The following EXD3 variants were observed in gnomAD, a reference collection of about 807,000 sequenced individuals.
The protein encoded by EXD3 is exonuclease mut-7 homolog.
Under a neutral mutation model 98.0 loss-of-function variants are expected in EXD3, and 92 were observed. The ratio of observed to expected loss-of-function variants is 0.94; its 90% confidence interval spans 0.79 to 1.12. The LOEUF is 1.12. EXD3 is among the 50% of genes most tolerant of loss of function. EXD3 has a pLI of 0.00. For missense variants in EXD3, 1,222 were observed against 1,191.6 expected (o/e 1.03, Z -0.38); for synonymous variants, 569 against 526.0 (o/e 1.08, Z -1.12).
rs923626778 is a variant in EXD3 at position 137,391,647 on chromosome 9, G to A, written c.55+3656C>T. 7.1e-5 allele frequency among the ~76,000 whole-genome samples: 8 copies of A among 112,782 alleles called. No homozygotes were observed. The South Asian group carries it at 1.6e-3, about 23-fold the overall frequency. 74.0% of individuals were successfully genotyped at this position (112,782 alleles called of 152,430 possible). ...AGGGCCGGCCTCCCTGCCCCGCCCC[G>A]CCCCGCCTCGCCGACCGCCGGCCCT... On this transcript the variant is annotated intron_variant, in intron 2 of 21. Transcript: ENST00000340951.
chr9:137,389,888 G>A (rs944767761), intron 2 of EXD3, among the ~76,000 whole-genome samples: 3 of 152,052 alleles, frequency 2.0e-5, no homozygotes, highest in Non-Finnish European at 2.9e-5. Flanking sequence ...TTGGGAGGCC[G>A]AGGCGGGCAG....
intron 19 of EXD3, among the ~76,000 whole-genome samples, chr9:137,311,100 C>T (rs1831334379): frequency 6.6e-6 from 1 of 152,222 alleles, no homozygotes; most frequent in Non-Finnish European, 1.5e-5. Flanking sequence ...CAGCCCCCAC[C>T]AGTTCAGGGC....
chr9:137,332,829 C>G (rs958239654), intron 17 of EXD3, among the ~76,000 whole-genome samples: 1 of 152,130 alleles, frequency 6.6e-6, no homozygotes, highest in Non-Finnish European at 1.5e-5. Context: ...TGGCGACAGA[C>G]TGAGACTCTG....
intron 1 of EXD3, among the ~76,000 whole-genome samples, chr9:137,414,785 A>C (rs1278589195): frequency 6.6e-6 from 1 of 151,890 alleles, no homozygotes; most frequent in African/African-American, 2.4e-5. Flanking sequence ...GGGGTCCCAC[A>C]CCGCCACTCC....
At chr9:137,355,330 A>G (rs1013576447) in intron 8 of EXD3, among the ~76,000 whole-genome samples, 1 of 152,036 alleles carries the variant, frequency 6.6e-6, no homozygotes, top group Non-Finnish European at 1.5e-5. Context: ...GCTGGTCCTC[A>G]GCGGGGTGCC....
At chr9:137,332,506 C>T (rs1246924075) in intron 17 of EXD3, among the ~76,000 whole-genome samples, 2 of 140,748 alleles carry the variant, frequency 1.4e-5, no homozygotes, top group Non-Finnish European at 1.5e-5. Context: ...GGAATCCCTT[C>T]AACCTGGGAG....
At chr9:137,382,570 G>A (rs549578046) in intron 3 of EXD3, among the ~76,000 whole-genome samples, 4 of 152,332 alleles carry the variant, frequency 2.6e-5, no homozygotes, top group Admixed American at 2.0e-4. Flanking sequence ...CCACCGAGCT[G>A]ATGGACAAAC....
At chr9:137,355,273 G>A (rs900294428) in intron 8 of EXD3, among the ~76,000 whole-genome samples, 10 of 152,146 alleles carry the variant, frequency 6.6e-5, no homozygotes, top group Non-Finnish European at 1.3e-4. Flanking sequence ...CAGTCTGGCT[G>A]AGCCCTTTTC....
intron 21 of EXD3, 137 bp downstream of exon 21, chr9:137,307,471 G>C: frequency 7.7e-7 from 1 of 1,296,164 alleles, no homozygotes. Flanking sequence ...CCCTCACCTT[G>C]CAGGCCCTAG....
At chr9:137,409,572 T>C (rs954959379) in intron 1 of EXD3, among the ~76,000 whole-genome samples, 4 of 152,016 alleles carry the variant, frequency 2.6e-5, no homozygotes, top group South Asian at 4.2e-4. Flanking sequence ...CAGGTATCTA[T>C]CCAGGCATGG....
chr9:137,376,782 AGCT>A (rs1835925683), intron 3 of EXD3, among the ~76,000 whole-genome samples: 1 of 151,916 alleles, frequency 6.6e-6, no homozygotes, highest in African/African-American at 2.4e-5. Flanking sequence ...ATACAAAATT[AGCT>A]AGGCATGGTG....
At position 137,351,414 on chromosome 9, in the gene EXD3, C is replaced by T. The variant is rs113473403; in HGVS notation, c.1288G>A (p.Val430Ile). 373 of 1,609,444 alleles carry T rather than the reference C, an allele frequency of 2.3e-4. 1 individual carries two copies. In the African/African-American group the frequency reaches 3.7e-3, roughly 16 times the overall value. ...GTTGGTGGCTGCGAGAGTGCCAGGA[C>T]GTCCAGAAGGAACACGTGGCCCTCC... ...AVEGHVFLLD[V>I]LALSQPPTGQ... The change falls in exon 13 of 22, where the codon GTC (valine) becomes ATC (isoleucine). Residue 430 changes from valine (V) to isoleucine (I), a missense_variant. Val to Ile is a conservative substitution (Grantham distance 29). Coordinates refer to ENST00000340951, the MANE Select transcript of EXD3 (RefSeq NM_017820.5).
chr9:137,367,629 G>A (rs1392177404), intron 6 of EXD3: 1 of 340,298 alleles, frequency 2.9e-6, no homozygotes, highest in East Asian at 6.9e-5. Flanking sequence ...CATGGGCTGC[G>A]TGTCCTCGAG....
chr9:137,368,375 C>T (rs143350940), intron 5 of EXD3, among the ~76,000 whole-genome samples: 1,810 of 152,296 alleles, frequency 0.012, 43 homozygotes, highest in African/African-American at 0.04. Context: ...GACCCATCTG[C>T]GGGCCCCAGA....
At chr9:137,380,321 CCCCCTGCCAGTA>C in intron 3 of EXD3, among the ~76,000 whole-genome samples, 1 of 113,488 alleles carries the variant, frequency 8.8e-6, no homozygotes, top group Non-Finnish European at 1.8e-5. Context: ...CCCCCCCAAT[CCCCCTGCCAGTA>C]TCCCCCCCCA....
chr9:137,353,099 C>T (rs968245024), intron 10 of EXD3: 1 of 1,218,772 alleles, frequency 8.2e-7, no homozygotes. Context: ...CCCTCCTGGC[C>T]TCCAAGCCTC....
chr9:137,322,071 T>A (rs995273319), intron 19 of EXD3, among the ~76,000 whole-genome samples: 6 of 152,032 alleles, frequency 3.9e-5, no homozygotes, highest in Non-Finnish European at 7.4e-5. Flanking sequence ...CCTCTATGGA[T>A]CTCCACCGAG....
chr9:137,355,506 A>AGGGAGGAAGGAGGAC (rs754566578), intron 8 of EXD3, among the ~76,000 whole-genome samples: 1 of 80,622 alleles, frequency 1.2e-5, no homozygotes, highest in East Asian at 3.8e-4. Flanking sequence ...GGAAGGAGGA[A>AGGGAGGAAGGAGGAC]GGAGGAAGGA....
rs11507668 is a variant in EXD3 at position 137,385,334 on chromosome 9, G to A, written c.56-1957C>T. Among the ~76,000 whole-genome samples the A allele has an allele frequency of 5.5e-4, 83 of 152,168 alleles. No homozygotes were observed. Among genetic ancestry groups the A allele is most frequent in the African/African-American group, 1.9e-3 (81 of 41,558 alleles). On this transcript the variant is annotated intron_variant, in intron 2 of 21. Transcript: ENST00000340951. This position sits in a 1 kb window ranked among gnomAD's most constrained non-coding sequence, Gnocchi z 4.4. ...AGGTGGGGAGGACGTACCCCACCAC[G>A]TGGCCATGGCAGGCAGTGTGACTGG... is the stretch of plus-strand genomic sequence containing the variant.
Sources: allele counts gnomAD v4.1 joint callset (sites outside exome capture counted in the v4.1 genomes callset), GRCh38; gene constraint gnomAD v4.1.1; non-coding constraint Gnocchi (gnomAD v3.1); transcripts MANE v1.5; gene names NCBI Gene and HGNC (gene_info 2026-07-23, HGNC 2026-07-21).